IL26: variants seen among roughly 807,000 people sequenced by gnomAD.
The protein encoded by IL26 is interleukin 26, also known as interleukin-26.
Under a neutral mutation model 21.7 loss-of-function variants are expected in IL26, and 23 were observed. The ratio of observed to expected loss-of-function variants is 1.06; its 90% confidence interval spans 0.76 to 1.50. The LOEUF (loss-of-function observed/expected upper bound fraction) is 1.50, where lower values mean the gene tolerates loss of function less well. Among genes scored for constraint, IL26 ranks in the 40% most tolerant of loss-of-function variants. IL26 has a pLI of 0.00. For missense variants in IL26, 204 were observed against 196.0 expected, an observed-to-expected ratio of 1.04 and a Z score of -0.24; for synonymous variants, 63 against 67.8, an observed-to-expected ratio of 0.93 and a Z score of 0.34.
At chr12:68,223,898 TTTTTGCTTGTTTTTTTC>T (rs1869139784) in intron 3 of IL26, among the ~76,000 whole-genome samples, 1 of 151,050 alleles carries the variant, frequency 6.6e-6, no homozygotes, top group Non-Finnish European at 1.5e-5. Context: ...TTTTTTTTTT[TTTTTGCTTGTTTTTTTC>T]TTTTTAACCT....
At chr12:68,212,297 T>C (rs1229170164) in intron 3 of IL26, among the ~76,000 whole-genome samples, 1 of 152,052 alleles carries the variant, frequency 6.6e-6, no homozygotes, top group Admixed American at 6.6e-5. Flanking sequence ...TTATAGTATG[T>C]TTTGAAGTCA....
rs1246564652 is a variant in IL26, at chr12:68,201,830, G to A, written c.*15C>T. 2.0e-6 allele frequency: 3 copies of A among 1,516,104 alleles called. No individual in the cohort carries two copies. The highest frequency in any genetic ancestry group is 4.5e-5 in the East Asian group (2 of 44,276). The allele number at this position is 1,516,104 out of a possible 1,614,324, so 93.9% of individuals were successfully genotyped here. On this transcript the variant is annotated 3_prime_UTR_variant, in exon 5 of 5. Coordinates refer to ENST00000229134, the MANE Select transcript of IL26 (RefSeq NM_018402.2). ...ATTTCAAAATAACTGTAAAATCAAT[G>A]TACTTGGCTTTGGTTTACTGACTGC...
intron 3 of IL26, among the ~76,000 whole-genome samples, chr12:68,215,867 A>C (rs1868861344): frequency 6.6e-6 from 1 of 151,628 alleles, no homozygotes; most frequent in African/African-American, 2.4e-5. Context: ...TGTTTTTAGT[A>C]GAGACAGGGT....
intron 3 of IL26, among the ~76,000 whole-genome samples, chr12:68,204,364 C>T (rs1258632189): frequency 2.0e-5 from 3 of 151,980 alleles, no homozygotes; most frequent in Non-Finnish European, 4.4e-5. Flanking sequence ...AGGATGGTTT[C>T]GATCCACTGA....
Position 68,205,440 on chromosome 12 carries a change from A to G in IL26, c.364-3357T>C, listed in dbSNP as rs542592965. ...AGATAGATAGATAGATTGTATTTTT[A>G]TAATGAAATAAGCTGTAGAAAAGAC... On this transcript the variant is annotated intron_variant, in intron 3 of 4. Coordinates refer to ENST00000229134, the MANE Select transcript of IL26 (RefSeq NM_018402.2). Among the ~76,000 whole-genome samples, 6 of 152,322 alleles carry G rather than the reference A, an allele frequency of 3.9e-5. No homozygotes were observed. In the South Asian group the frequency reaches 8.3e-4, roughly 21 times the overall value.
At chr12:68,222,187 T>C (rs1869064810) in intron 3 of IL26, among the ~76,000 whole-genome samples, 1 of 152,230 alleles carries the variant, frequency 6.6e-6, no homozygotes, top group African/African-American at 2.4e-5. Flanking sequence ...TAAAGAGCTG[T>C]AGTAATCCTT....
At chr12:68,219,715 T>C (rs1423342128) in intron 3 of IL26, among the ~76,000 whole-genome samples, 3 of 151,682 alleles carry the variant, frequency 2.0e-5, no homozygotes, top group African/African-American at 7.3e-5. Context: ...AATAATAATG[T>C]TCAGAATAAA....
intron 3 of IL26, among the ~76,000 whole-genome samples, chr12:68,216,865 CG>C (rs1048733975): frequency 6.6e-6 from 1 of 152,096 alleles, no homozygotes; most frequent in Non-Finnish European, 1.5e-5. Context: ...TTAAAGTAGA[CG>C]ATGAAATCTT....
Position 68,201,946 on chromosome 12 carries a change from C to G in IL26, c.430-15G>C, listed in dbSNP as rs1296946201. On this transcript the variant is annotated splice_polypyrimidine_tract_variant and intron_variant, in intron 4 of 4. Transcript: ENST00000229134. ...TTGTTTCCAATCTGCAGATAAAGTA[C>G]AGATATAAGAGAATAAATTTTTCCT... 1.3e-6 allele frequency: 2 copies of G among 1,575,106 alleles called. No individual in the cohort carries two copies. The highest frequency in any genetic ancestry group is 2.7e-5 in the African/African-American group (2 of 72,948).
chr12:68,213,274 T>C (rs1868786085), intron 3 of IL26, among the ~76,000 whole-genome samples: 3 of 152,068 alleles, frequency 2.0e-5, no homozygotes, highest in Admixed American at 1.3e-4. Flanking sequence ...TTGAATTTGG[T>C]TTGCTAATAT....
chr12:68,207,386 G>GA (rs1203403852), intron 3 of IL26, among the ~76,000 whole-genome samples: 17 of 152,162 alleles, frequency 1.1e-4, no homozygotes, highest in Admixed American at 7.9e-4. Flanking sequence ...AAAACACAGT[G>GA]AAAAATACAC....
intron 3 of IL26, among the ~76,000 whole-genome samples, chr12:68,210,378 A>C (rs1034807419): frequency 1.0e-5 from 1 of 100,430 alleles, no homozygotes; most frequent in Admixed American, 1.1e-4. Context: ...AAAAAAAAAA[A>C]AAAAAACAGC....
intron 3 of IL26, among the ~76,000 whole-genome samples, chr12:68,218,542 G>C (rs545942975): frequency 7.6e-4 from 114 of 150,788 alleles, no homozygotes; most frequent in African/African-American, 2.6e-3. Context: ...ACACAGAAAA[G>C]ACTGGGAAAA....
chr12:68,217,363 A>T (rs1034870583), intron 3 of IL26, among the ~76,000 whole-genome samples: 1 of 152,212 alleles, frequency 6.6e-6, no homozygotes, highest in Non-Finnish European at 1.5e-5. Flanking sequence ...AAAAATAAGA[A>T]ATAATTTCAT....
At chr12:68,222,663 T>C (rs529548773) in intron 3 of IL26, among the ~76,000 whole-genome samples, 114 of 152,312 alleles carry the variant, frequency 7.5e-4, no homozygotes, top group African/African-American at 2.6e-3. Flanking sequence ...TTTCTAAAGC[T>C]CAGAGCGTGC....
chr12:68,211,800 CA>C (rs934334278), intron 3 of IL26, among the ~76,000 whole-genome samples: 8 of 152,112 alleles, frequency 5.3e-5, no homozygotes, highest in Non-Finnish European at 1.2e-4. Flanking sequence ...CGGATAGTTG[CA>C]AATATTTTTT....
chr12:68,206,163 G>T (rs1472545670), intron 3 of IL26, among the ~76,000 whole-genome samples: 1 of 152,174 alleles, frequency 6.6e-6, no homozygotes, highest in Non-Finnish European at 1.5e-5. Flanking sequence ...GGAATTTATT[G>T]TTTCAGGCTT....
intron 3 of IL26, among the ~76,000 whole-genome samples, chr12:68,216,018 C>G (rs1868867414): frequency 6.7e-6 from 1 of 149,414 alleles, no homozygotes; most frequent in Non-Finnish European, 1.5e-5. Flanking sequence ...GCTGGCCAGG[C>G]GTGGTGGCTC....
intron 3 of IL26, among the ~76,000 whole-genome samples, chr12:68,217,149 A>T (rs1315095775): frequency 1.3e-5 from 2 of 152,226 alleles, no homozygotes; most frequent in East Asian, 3.8e-4. Context: ...ATTGGAAAAT[A>T]TATTTTATTA....
Sources: allele counts gnomAD v4.1 joint callset (sites outside exome capture counted in the v4.1 genomes callset), GRCh38; gene constraint gnomAD v4.1.1; transcripts MANE v1.5; gene names NCBI Gene and HGNC (gene_info 2026-07-23, HGNC 2026-07-21).